FNDC1: variants seen among roughly 807,000 people sequenced by gnomAD.
FNDC1 encodes the protein fibronectin type III domain containing 1.
FNDC1 carries 96 observed loss-of-function variants against 168.0 expected under a neutral mutation model. That is an observed-to-expected ratio of 0.57 (90% confidence interval 0.48 to 0.68). The LOEUF is 0.68. Among genes scored for constraint, FNDC1 ranks in the 30% least tolerant of loss-of-function variants. The pLI is 0.00. For synonymous variants in FNDC1, 1,099 were observed against 1,025.9 expected (o/e 1.07, Z -1.36); for missense variants, 2,587 against 2,482.1 (o/e 1.04, Z -0.90).
At chr6:159,186,609 G>A (rs1782005205) in intron 1 of FNDC1, among the ~76,000 whole-genome samples, 1 of 152,232 alleles carries the variant, frequency 6.6e-6, no homozygotes, top group Admixed American at 6.5e-5. Flanking sequence ...CCCAGGCAGA[G>A]CCCAGAGACA....
intron 10 of FNDC1, 56 bp downstream of exon 10, chr6:159,230,059 T>C (rs918460627): frequency 5.3e-6 from 8 of 1,496,260 alleles, no homozygotes; most frequent in Non-Finnish European, 7.3e-6. Flanking sequence ...TGCTGTTTGT[T>C]TTGTGTTCCT....
intron 1 of FNDC1, among the ~76,000 whole-genome samples, chr6:159,194,590 G>A (rs1008317874): frequency 2.6e-5 from 4 of 152,156 alleles, no homozygotes; most frequent in East Asian, 3.9e-4. Context: ...AACAGAGCCC[G>A]AAGCCACATT....
intron 1 of FNDC1, among the ~76,000 whole-genome samples, chr6:159,193,186 T>C (rs181059630): frequency 1.1e-4 from 16 of 152,240 alleles, no homozygotes; most frequent in Admixed American, 1.0e-3. Context: ...TAATACACAA[T>C]TGGGAGTTTT....
chr6:159,269,499 T>TCC (rs1562316090), intron 22 of FNDC1, among the ~76,000 whole-genome samples: 3 of 87,326 alleles, frequency 3.4e-5, no homozygotes, highest in East Asian at 3.0e-4. Context: ...TCTATCTATC[T>TCC]ATCCATCCAT....
intron 9 of FNDC1, among the ~76,000 whole-genome samples, chr6:159,228,545 G>GT (rs530842105): frequency 0.012 from 1,727 of 150,084 alleles, 13 homozygotes; most frequent in Non-Finnish European, 0.02. Flanking sequence ...TGGTTGAAAC[G>GT]TTTTTTTTTT....
intron 1 of FNDC1, among the ~76,000 whole-genome samples, chr6:159,196,906 C>A (rs950131022): frequency 2.0e-5 from 3 of 152,174 alleles, no homozygotes; most frequent in African/African-American, 7.2e-5. Flanking sequence ...GAGTTTTACT[C>A]GCCCTTTAAG....
At chr6:159,227,616 T>A (rs534031712) in intron 9 of FNDC1, among the ~76,000 whole-genome samples, 34 of 150,926 alleles carry the variant, frequency 2.3e-4, no homozygotes, top group Admixed American at 5.3e-4. Flanking sequence ...TTTTTTTTTT[T>A]AAAGAATAGA....
rs771334188 is a variant in FNDC1 at position 159,197,590 on chromosome 6, A to C, written c.269A>C (p.Asn90Thr). The C allele has an allele frequency of 5.6e-6, 9 of 1,613,482 alleles. No homozygotes were observed. Among genetic ancestry groups the C allele is most frequent in the African/African-American group, 1.3e-5 (1 of 75,028 alleles). ...AAAAGTCTTAAATACATCAAGGTGA[A>C]TGCGGAGACATACTCCTTCCTTATT... ...SLKSLKYIKVNAETYSFLIED... is the reference protein window; with the variant it reads ...SLKSLKYIKVTAETYSFLIED... The change falls in exon 2 of 23, where the codon AAT becomes ACT. Residue 90 changes from asparagine (N) to threonine (T), a missense_variant. Asn to Thr is a moderately conservative substitution (Grantham distance 65, BLOSUM62 0). Transcript: ENST00000297267.
intron 18 of FNDC1, among the ~76,000 whole-genome samples, chr6:159,260,366 G>A (rs549450721): frequency 1.3e-5 from 2 of 152,228 alleles, no homozygotes; most frequent in African/African-American, 2.4e-5. Context: ...AACATGCTTC[G>A]AGACTCAGTC....
chr6:159,203,381 G>A lies in FNDC1; in HGVS notation c.460+2800G>A, dbSNP rs542096892. On this transcript the variant is annotated intron_variant, in intron 4 of 22. Coordinates refer to ENST00000297267, the MANE Select transcript of FNDC1 (RefSeq NM_032532.3). Reference sequence around the variant, plus strand: ...CCAAGTTGAGATCGTAAGAGACTGTGAGGGTGAAGCCATGTGGGGAGGAGG... The same window carrying A: ...CCAAGTTGAGATCGTAAGAGACTGTAAGGGTGAAGCCATGTGGGGAGGAGG... 7.9e-5 allele frequency among the ~76,000 whole-genome samples: 12 copies of A among 152,354 alleles called. No homozygotes were observed. In the East Asian group the frequency reaches 2.1e-3, roughly 27 times the overall value.
At position 159,249,065 on chromosome 6, in the gene FNDC1, C is replaced by T. The variant is rs776709795; in HGVS notation, c.4717C>T (p.Pro1573Ser). ...TTATGAATTTGAGACGTCAAGGCCA[C>T]CAACCACCACTGAGCCTTCGACCAC... ...EDYEFETSRP[P>S]TTTEPSTTAT... Residue 1573 changes from proline (P) to serine (S), a missense_variant, in exon 16 of 23, where the codon CCA becomes TCA. Physicochemically the swap from Pro to Ser is moderately conservative, Grantham distance 74. Transcript: ENST00000297267. 1 of 1,602,506 alleles carries T rather than the reference C, an allele frequency of 6.2e-7. No homozygotes were observed. The highest frequency in any genetic ancestry group is 8.5e-7 in the Non-Finnish European group (1 of 1,174,340).
intron 5 of FNDC1, among the ~76,000 whole-genome samples, chr6:159,218,039 T>TA (rs1290764625): frequency 1.3e-5 from 2 of 152,276 alleles, no homozygotes; most frequent in African/African-American, 2.4e-5. Flanking sequence ...AGCAGGGAAA[T>TA]AGAGTCCCTG....
chr6:159,206,008 C>G (rs947980113), intron 4 of FNDC1, among the ~76,000 whole-genome samples: 1 of 152,204 alleles, frequency 6.6e-6, no homozygotes, highest in Non-Finnish European at 1.5e-5. Flanking sequence ...GGGTGTCCTC[C>G]CCTCTGTTTG....
At chr6:159,256,745 CT>C in intron 18 of FNDC1, 114 bp downstream of exon 18, 2 of 766,462 alleles carry the variant, frequency 2.6e-6, no homozygotes, top group Non-Finnish European at 4.5e-6. Flanking sequence ...TTTGAATACC[CT>C]GTTTGGTTCT....
Position 159,215,167 on chromosome 6 carries a change from A to G in FNDC1, c.667+16A>G, listed in dbSNP as rs2114967604. On this transcript the variant is annotated intron_variant, in intron 5 of 22. Transcript: ENST00000297267. ...AAAAAGCTAGGTGAGTTTCATATTC[A>G]TTGGTATTCAATGTTTCCATGGTCT... 2 of 1,603,460 alleles carry G rather than the reference A, an allele frequency of 1.2e-6. 1 individual carries two copies.
At chr6:159,226,801 T>C (rs1253742107) in intron 9 of FNDC1, among the ~76,000 whole-genome samples, 2 of 152,230 alleles carry the variant, frequency 1.3e-5, no homozygotes, top group Admixed American at 6.5e-5. Context: ...CTTTTTGCTG[T>C]TGCTGTTGGG....
chr6:159,227,880 C>T (rs1348426347), intron 9 of FNDC1, among the ~76,000 whole-genome samples: 2 of 152,154 alleles, frequency 1.3e-5, no homozygotes, highest in Non-Finnish European at 2.9e-5. Flanking sequence ...CTGTGCTGGG[C>T]CTCATTCAAA....
At chr6:159,184,631 C>G (rs182077247) in intron 1 of FNDC1, among the ~76,000 whole-genome samples, 9 of 152,150 alleles carry the variant, frequency 5.9e-5, no homozygotes, top group Admixed American at 4.6e-4. Context: ...TTTCAGGGAG[C>G]TTTCTGAGTA....
At position 159,236,322 on chromosome 6, in the gene FNDC1, TA is replaced by T. The variant is rs1303483021; in HGVS notation, c.4068+10del. 6.3e-7 allele frequency: 1 copy of T among 1,590,672 alleles called. No homozygotes were observed. The highest frequency in any genetic ancestry group is 1.3e-5 in the African/African-American group (1 of 74,482). Reference sequence around the variant, plus strand: ...CCCTCAAGGAACAAAGTGGGTAGGGTAAACTTCTTTACACATCCCCGTTGTT... The same window carrying T: ...CCCTCAAGGAACAAAGTGGGTAGGGTAACTTCTTTACACATCCCCGTTGTT... On this transcript the variant is annotated splice_region_variant and intron_variant, in intron 12 of 22. Transcript: ENST00000297267.
Sources: gnomAD v4.1 joint callset for allele counts (sites outside exome capture counted in the v4.1 genomes callset) on GRCh38, gnomAD v4.1.1 for gene constraint, MANE v1.5 for transcripts, NCBI Gene and HGNC (gene_info 2026-07-23, HGNC 2026-07-21) for gene names.